Variants in ELMO1 observed in about 807,000 individuals in gnomAD.
ELMO1 encodes the protein engulfment and cell motility 1.
ELMO1 carries 26 observed loss-of-function variants against 98.9 expected under a neutral mutation model. That is an observed-to-expected ratio of 0.26 (90% CI 0.19 to 0.36). ELMO1 has a LOEUF of 0.36. ELMO1 is among the 10% of genes least tolerant of loss of function. ELMO1 has a pLI of 1.00. For missense variants in ELMO1, 627 were observed against 935.2 expected (o/e 0.67, Z 4.30); for synonymous variants, 346 against 346.0 (o/e 1.00, Z 0.00).
chr7:37,383,799 T>C (rs1802670779), intron 1 of ELMO1, among the ~76,000 whole-genome samples: 2 of 151,596 alleles, frequency 1.3e-5, no homozygotes, highest in South Asian at 4.2e-4. Context: ...GTTTGAAATA[T>C]ACAGGGCTTT....
intron 16 of ELMO1, among the ~76,000 whole-genome samples, chr7:36,995,465 G>A (rs528188930): frequency 2.6e-5 from 4 of 151,038 alleles, no homozygotes; most frequent in Admixed American, 2.6e-4. Flanking sequence ...CCAAGATCAC[G>A]CCACTGCACT....
At chr7:37,214,632 A>G (rs577500870) in intron 11 of ELMO1, among the ~76,000 whole-genome samples, 21 of 151,962 alleles carry the variant, frequency 1.4e-4, no homozygotes, top group Non-Finnish European at 4.4e-5. Context: ...GAGAGAATAC[A>G]GTCACCAAAC....
intron 1 of ELMO1, among the ~76,000 whole-genome samples, chr7:37,444,323 A>G (rs1805524978): frequency 6.6e-6 from 1 of 152,230 alleles, no homozygotes; most frequent in African/African-American, 2.4e-5. Flanking sequence ...AAAGACCTCA[A>G]AAGTTCTAAA....
Position 37,013,293 on chromosome 7 carries a change from C to T in ELMO1, c.1437+6G>A, listed in dbSNP as rs758134360. The stretch of plus-strand genomic sequence containing the variant: ...ATCCCCTGCCTCTATCCGAGATCCA[C>T]ATTACCTTGTTGAAGTCTTCAGAAG... On this transcript the variant is annotated splice_donor_region_variant and intron_variant, in intron 16 of 21. Coordinates refer to ENST00000310758, the MANE Select transcript of ELMO1 (RefSeq NM_014800.11). 11 of 1,614,046 alleles carry T rather than the reference C, an allele frequency of 6.8e-6. No individual in the cohort carries two copies. Among genetic ancestry groups the T allele is most frequent in the South Asian group, 1.1e-5 (1 of 91,070 alleles).
intron 16 of ELMO1, among the ~76,000 whole-genome samples, chr7:36,959,742 G>T (rs780300463): frequency 6.6e-6 from 1 of 152,160 alleles, no homozygotes; most frequent in Non-Finnish European, 1.5e-5. Flanking sequence ...GTGCAGTGGC[G>T]TGATCTCGGC....
chr7:37,063,602 T>C (rs1467362182), intron 15 of ELMO1, among the ~76,000 whole-genome samples: 5 of 152,178 alleles, frequency 3.3e-5, no homozygotes, highest in Non-Finnish European at 7.3e-5. Flanking sequence ...TTTCAAGCCA[T>C]GATCACAGTC....
chr7:36,896,746 C>T (rs528450088), intron 16 of ELMO1, among the ~76,000 whole-genome samples: 2 of 152,066 alleles, frequency 1.3e-5, no homozygotes, highest in East Asian at 3.9e-4. Flanking sequence ...AAATTGTGAT[C>T]ATCTTACATC....
intron 5 of ELMO1, among the ~76,000 whole-genome samples, chr7:37,265,518 C>T (rs1232827985): frequency 2.0e-5 from 3 of 151,986 alleles, no homozygotes; most frequent in Non-Finnish European, 4.4e-5. Context: ...GTGTTGCCTC[C>T]GTTCTACCTC....
At chr7:37,363,699 A>G (rs1053251347) in intron 1 of ELMO1, among the ~76,000 whole-genome samples, 1 of 152,110 alleles carries the variant, frequency 6.6e-6, no homozygotes, top group Non-Finnish European at 1.5e-5. Flanking sequence ...ATTTTTTGCT[A>G]GAAGGGGAAA....
At chr7:36,923,008 G>A (rs181581242) in intron 16 of ELMO1, among the ~76,000 whole-genome samples, 3 of 152,238 alleles carry the variant, frequency 2.0e-5, no homozygotes, top group Non-Finnish European at 4.4e-5. Flanking sequence ...CCAGTCCCTC[G>A]TCTGGAAGGC....
chr7:37,254,561 G>A (rs998694667), intron 6 of ELMO1, among the ~76,000 whole-genome samples: 2 of 152,166 alleles, frequency 1.3e-5, no homozygotes, highest in Non-Finnish European at 2.9e-5. Context: ...CTACAAACCT[G>A]TACAGCATGT....
intron 13 of ELMO1, among the ~76,000 whole-genome samples, chr7:37,155,612 A>G (rs1009120941): frequency 1.3e-5 from 2 of 152,224 alleles, no homozygotes; most frequent in South Asian, 4.1e-4. Context: ...TCAATTCAAC[A>G]GGAAGAGCTA....
chr7:37,422,736 C>T (rs765984238), intron 1 of ELMO1, among the ~76,000 whole-genome samples: 1 of 152,196 alleles, frequency 6.6e-6, no homozygotes, highest in Non-Finnish European at 1.5e-5. Flanking sequence ...TGATGCACTA[C>T]AAGACTTCTT....
At chr7:36,899,684 C>CTTTTATTTTTTTTTTTTTTTTT (rs1806335283) in intron 16 of ELMO1, among the ~76,000 whole-genome samples, 1 of 63,664 alleles carries the variant, frequency 1.6e-5, no homozygotes, top group Non-Finnish European at 3.1e-5. Context: ...CTTTACTCAT[C>CTTTTATTTTTTTTTTTTTTTTT]TTTTTTTTTT....
chr7:36,860,919 G>T (rs1293735453), intron 21 of ELMO1, among the ~76,000 whole-genome samples: 4 of 152,180 alleles, frequency 2.6e-5, no homozygotes, highest in Non-Finnish European at 4.4e-5. Flanking sequence ...TAGGGGAAAT[G>T]GGGAACAAAA....
chr7:37,407,233 G>A (rs753538343), intron 1 of ELMO1, among the ~76,000 whole-genome samples: 56 of 152,126 alleles, frequency 3.7e-4, no homozygotes, highest in Admixed American at 3.0e-3. Context: ...ATGAGGGTCT[G>A]GCGCGGTGGC....
At chr7:37,381,352 A>G (rs1802572928) in intron 1 of ELMO1, among the ~76,000 whole-genome samples, 1 of 152,178 alleles carries the variant, frequency 6.6e-6, no homozygotes, top group Admixed American at 6.5e-5. Flanking sequence ...GGGTGACCAT[A>G]ATTATTTAAA....
chr7:37,167,620 A>G (rs1479163656), intron 13 of ELMO1, among the ~76,000 whole-genome samples: 6 of 151,794 alleles, frequency 4.0e-5, no homozygotes, highest in Non-Finnish European at 7.4e-5. Flanking sequence ...CTGGATATGA[A>G]ATTCTGGGTT....
intron 13 of ELMO1, among the ~76,000 whole-genome samples, chr7:37,149,199 T>C (rs1377605540): frequency 4.6e-5 from 7 of 152,320 alleles, no homozygotes; most frequent in East Asian, 1.9e-4. Context: ...GGCCCTAGCA[T>C]AGGGCTGCAG....
Sources: allele counts gnomAD v4.1 joint callset (sites outside exome capture counted in the v4.1 genomes callset), GRCh38; gene constraint gnomAD v4.1.1; transcripts MANE v1.5; gene names NCBI Gene and HGNC (gene_info 2026-07-23, HGNC 2026-07-21).